Variants in LYN observed in about 807,000 individuals in gnomAD.
The protein encoded by LYN is tyrosine-protein kinase Lyn.
Under a neutral mutation model 65.0 loss-of-function variants are expected in LYN, and 12 were observed. That is an observed-to-expected ratio of 0.18 (90% CI 0.12 to 0.30). The LOEUF (loss-of-function observed/expected upper bound fraction) is 0.30, where lower values mean the gene tolerates loss of function less well. Among genes scored for constraint, LYN ranks in the 10% least tolerant of loss-of-function variants. LYN has a pLI of 1.00. For missense variants in LYN, 380 were observed against 623.2 expected, an observed-to-expected ratio of 0.61 and a Z score of 4.16; for synonymous variants, 222 against 221.2, an observed-to-expected ratio of 1.00 and a Z score of -0.03.
intron 12 of LYN, among the ~76,000 whole-genome samples, chr8:56,007,925 C>A (rs868736049): frequency 2.0e-5 from 3 of 152,074 alleles, no homozygotes; most frequent in Middle Eastern, 3.4e-3. Context: ...TTGAGACCAG[C>A]CTGGCCAACA....
At chr8:55,910,768 A>G (rs1725289583) in intron 1 of LYN, among the ~76,000 whole-genome samples, 1 of 152,132 alleles carries the variant, frequency 6.6e-6, no homozygotes, top group Non-Finnish European at 1.5e-5. Context: ...TGTTTTGCTT[A>G]TAGCTGAAGA....
Position 55,959,606 on chromosome 8 carries a change from A to AT in LYN, c.790+5630dup, listed in dbSNP as rs201723253. On this transcript the variant is annotated intron_variant, in intron 8 of 12. Transcript: ENST00000519728. ...AAGTTGTTTGTATTTTTGCTTTTTA[A>AT]TTTTTTTTATTTTGAGATAATTGTG... Among the ~76,000 whole-genome samples the AT allele has an allele frequency of 5.4e-3, 819 of 152,154 alleles. 9 individuals are homozygous for AT. Among genetic ancestry groups the AT allele is most frequent in the African/African-American group, 0.018 (748 of 41,528 alleles).
intron 1 of LYN, among the ~76,000 whole-genome samples, chr8:55,883,390 C>T (rs1156312101): frequency 1.3e-5 from 2 of 152,220 alleles, no homozygotes; most frequent in East Asian, 1.9e-4. Context: ...AGCAGATGCA[C>T]CATCAAGCTG....
chr8:55,903,165 A>G (rs554014760), intron 1 of LYN, among the ~76,000 whole-genome samples: 4 of 150,114 alleles, frequency 2.7e-5, no homozygotes, highest in African/African-American at 9.9e-5. Flanking sequence ...GCTAATTTTT[A>G]TATATTTGGT....
At chr8:55,924,873 T>A (rs968457953) in intron 1 of LYN, among the ~76,000 whole-genome samples, 1 of 152,002 alleles carries the variant, frequency 6.6e-6, no homozygotes, top group Non-Finnish European at 1.5e-5. Context: ...AGATGGAGTC[T>A]CTCTGTTGCC....
chr8:55,926,550 C>G (rs1806114379), intron 1 of LYN, among the ~76,000 whole-genome samples: 2 of 152,056 alleles, frequency 1.3e-5, no homozygotes, highest in Non-Finnish European at 2.9e-5. Context: ...ATTTTCTGAA[C>G]CTAAAATTGA....
chr8:55,998,790 G>A (rs1205928284), intron 11 of LYN, among the ~76,000 whole-genome samples: 1 of 152,162 alleles, frequency 6.6e-6, no homozygotes, highest in East Asian at 1.9e-4. Flanking sequence ...TGTTTATTTT[G>A]TATTGTTAAA....
At chr8:55,966,578 G>C (rs1807465999) in intron 8 of LYN, 137 bp from the exon 9 acceptor site, 1 of 630,488 alleles carries the variant, frequency 1.6e-6, no homozygotes, top group African/African-American at 1.9e-5. Flanking sequence ...GTTTTAGCCA[G>C]GCTGGTTTCG....
intron 10 of LYN, among the ~76,000 whole-genome samples, chr8:55,982,054 C>G (rs990900348): frequency 6.6e-6 from 1 of 152,140 alleles, no homozygotes; most frequent in Non-Finnish European, 1.5e-5. Context: ...AGAGCCCTTT[C>G]TCAGCACCTG....
At chr8:55,978,542 T>G (rs902333166) in intron 10 of LYN, among the ~76,000 whole-genome samples, 1 of 152,148 alleles carries the variant, frequency 6.6e-6, no homozygotes, top group Non-Finnish European at 1.5e-5. Context: ...TCAAGGAGGC[T>G]GGTGCTGCAG....
chr8:55,981,006 GT>G (rs1284797418), intron 10 of LYN, among the ~76,000 whole-genome samples: 2 of 152,116 alleles, frequency 1.3e-5, no homozygotes, highest in African/African-American at 2.4e-5. Context: ...AGACTGGATG[GT>G]TTTGCATCCC....
chr8:55,967,779 A>G (rs1490999722), intron 9 of LYN, among the ~76,000 whole-genome samples: 1 of 152,198 alleles, frequency 6.6e-6, no homozygotes, highest in Non-Finnish European at 1.5e-5. Context: ...TTTTTCTTCT[A>G]CTGTGATCAC....
intron 10 of LYN, among the ~76,000 whole-genome samples, chr8:55,977,166 C>T (rs1334639807): frequency 1.3e-5 from 2 of 151,742 alleles, no homozygotes; most frequent in Non-Finnish European, 2.9e-5. Context: ...GCCTGGGCAA[C>T]AAGAGCAAGA....
intron 1 of LYN, 92 bp from the exon 2 acceptor site, chr8:55,941,763 A>AT (rs1007926088): frequency 8.0e-6 from 7 of 870,772 alleles, no homozygotes; most frequent in East Asian, 2.6e-5. Context: ...ATAAAAGTAT[A>AT]TTTTTTCTAC....
At chr8:55,908,989 G>GTGTATATATATATATA (rs1379592685) in intron 1 of LYN, among the ~76,000 whole-genome samples, 2 of 20,398 alleles carry the variant, frequency 9.8e-5, no homozygotes, top group African/African-American at 2.9e-4. Context: ...CATTGTGTAT[G>GTGTATATATATATATA]TATATATATA....
chr8:55,973,512 G>A (rs1273566106), intron 10 of LYN, among the ~76,000 whole-genome samples: 1 of 152,166 alleles, frequency 6.6e-6, no homozygotes, highest in African/African-American at 2.4e-5. Context: ...TGGCTTTTAG[G>A]CCCTATGTCA....
intron 12 of LYN, among the ~76,000 whole-genome samples, chr8:56,000,466 C>A (rs1409333810): frequency 6.6e-6 from 1 of 151,976 alleles, no homozygotes; most frequent in Non-Finnish European, 1.5e-5. Context: ...CAGTGGCTTA[C>A]ACCTGTAATC....
At chr8:55,942,317 A>ATGTATATATATG (rs1455711643) in intron 2 of LYN, among the ~76,000 whole-genome samples, 4 of 136,876 alleles carry the variant, frequency 2.9e-5, no homozygotes, top group African/African-American at 1.2e-4. Context: ...ATGTGTATAT[A>ATGTATATATATG]TGTATATATA....
At chr8:55,979,498 G>A (rs1338934332) in intron 10 of LYN, among the ~76,000 whole-genome samples, 2 of 152,192 alleles carry the variant, frequency 1.3e-5, no homozygotes, top group Non-Finnish European at 2.9e-5. Context: ...AGCACGTGCT[G>A]TAGCTATGCA....
Sources: allele counts gnomAD v4.1 joint callset (sites outside exome capture counted in the v4.1 genomes callset), GRCh38; gene constraint gnomAD v4.1.1; transcripts MANE v1.5; gene names NCBI Gene and HGNC (gene_info 2026-07-23, HGNC 2026-07-21).